DGKB: variants seen among roughly 807,000 people sequenced by gnomAD.
The protein encoded by DGKB is diacylglycerol kinase beta.
A neutral mutation model predicts 114.3 loss-of-function variants in DGKB; 67 were observed. The observed-to-expected ratio is 0.59, with a 90% CI of 0.48 to 0.72. DGKB has a LOEUF of 0.72. DGKB is among the 30% of genes least tolerant of loss of function. The pLI, the probability that DGKB is intolerant of heterozygous loss-of-function variation, is 0.00. For missense variants in DGKB, 907 were observed against 975.2 expected, an observed-to-expected ratio of 0.93 and a Z score of 0.93; for synonymous variants, 398 against 323.1, an observed-to-expected ratio of 1.23 and a Z score of -2.49.
At chr7:14,190,550 C>A (rs937136543) in intron 23 of DGKB, among the ~76,000 whole-genome samples, 1 of 147,028 alleles carries the variant, frequency 6.8e-6, no homozygotes. Context: ...AAACTCAGAG[C>A]AGAAATAAAC....
At chr7:14,257,622 G>A (rs1259621586) in intron 23 of DGKB, among the ~76,000 whole-genome samples, 1 of 152,016 alleles carries the variant, frequency 6.6e-6, no homozygotes, top group East Asian at 1.9e-4. Flanking sequence ...CCCTTTGCTT[G>A]GCAGTTCTCT....
chr7:14,633,512 A>G (rs887778905), intron 13 of DGKB, among the ~76,000 whole-genome samples: 1 of 151,936 alleles, frequency 6.6e-6, no homozygotes, highest in African/African-American at 2.4e-5. Context: ...TCCTGTTACA[A>G]TGAGCAAACC....
chr7:14,804,188 A>G (rs1842528212), intron 2 of DGKB, among the ~76,000 whole-genome samples: 1 of 151,490 alleles, frequency 6.6e-6, no homozygotes, highest in Non-Finnish European at 1.5e-5. Context: ...GTTATTATCA[A>G]TTTATAGAAT....
intron 20 of DGKB, among the ~76,000 whole-genome samples, chr7:14,503,647 G>T (rs1786560157): frequency 6.6e-6 from 1 of 152,112 alleles, no homozygotes; most frequent in African/African-American, 2.4e-5. Context: ...TATTCTATGG[G>T]TCTGAGATGA....
At chr7:14,165,729 G>A (rs1317056450) in intron 25 of DGKB, among the ~76,000 whole-genome samples, 1 of 152,098 alleles carries the variant, frequency 6.6e-6, no homozygotes, top group Non-Finnish European at 1.5e-5. Flanking sequence ...ATTCAACTTC[G>A]AATGGGCCTT....
At chr7:14,170,510 G>A (rs1780834605) in intron 25 of DGKB, among the ~76,000 whole-genome samples, 1 of 152,092 alleles carries the variant, frequency 6.6e-6, no homozygotes. Flanking sequence ...AATATCTCCA[G>A]GCTGTTCTTA....
intron 13 of DGKB, among the ~76,000 whole-genome samples, chr7:14,662,718 C>A (rs1429984655): frequency 2.0e-5 from 3 of 151,476 alleles, no homozygotes; most frequent in Non-Finnish European, 4.4e-5. Context: ...TATAATGCCA[C>A]ATGGTATATT....
At chr7:14,202,652 C>T (rs930632448) in intron 23 of DGKB, among the ~76,000 whole-genome samples, 2 of 151,756 alleles carry the variant, frequency 1.3e-5, no homozygotes, top group African/African-American at 4.8e-5. Context: ...ATAGAACTGC[C>T]TATTAAATGT....
intron 1 of DGKB, among the ~76,000 whole-genome samples, chr7:14,943,412 C>T (rs67378880): frequency 0.2 from 29,755 of 151,682 alleles, 3,470 homozygotes; most frequent in African/African-American, 0.33. Context: ...TGATTACTTC[C>T]AGACACTTAT....
chr7:14,258,644 C>T (rs1796289176), intron 23 of DGKB, among the ~76,000 whole-genome samples: 1 of 152,176 alleles, frequency 6.6e-6, no homozygotes, highest in Non-Finnish European at 1.5e-5. Flanking sequence ...AATGCAGCTG[C>T]AGCTCTCCAA....
chr7:14,482,987 A>G (rs745814781), intron 20 of DGKB, among the ~76,000 whole-genome samples: 13 of 151,332 alleles, frequency 8.6e-5, no homozygotes, highest in Non-Finnish European at 1.5e-4. Flanking sequence ...TTCTTTAATC[A>G]TCTGTGAAAT....
intron 4 of DGKB, among the ~76,000 whole-genome samples, chr7:14,744,697 A>G (rs1382940932): frequency 6.6e-6 from 1 of 152,218 alleles, no homozygotes; most frequent in Non-Finnish European, 1.5e-5. Context: ...GGCCAAGTAT[A>G]AGACTGAAGT....
intron 23 of DGKB, among the ~76,000 whole-genome samples, chr7:14,317,887 A>G (rs1585102021): frequency 2.7e-5 from 1 of 36,862 alleles, no homozygotes; most frequent in Non-Finnish European, 6.1e-5. Flanking sequence ...TTCAAACTAT[A>G]CTACAAGGCT....
Position 14,699,902 on chromosome 7 carries a change from CA to C in DGKB, c.517-1734del, listed in dbSNP as rs776720127. On this transcript the variant is annotated intron_variant, in intron 7 of 25. Transcript: ENST00000402815. Reference sequence around the variant, plus strand: ...TATGCTAACAAAAAATGGGCAGAGACAAAAAAAAAAAGGACTATTTGACTGA... The same window carrying C: ...TATGCTAACAAAAAATGGGCAGAGACAAAAAAAAAAGGACTATTTGACTGA... Among the ~76,000 whole-genome samples the C allele has an allele frequency of 2.1e-3, 275 of 130,258 alleles. 2 individuals carry two copies. The highest frequency in any genetic ancestry group is 7.8e-3 in the East Asian group (36 of 4,628). The allele number at this position is 130,258 out of a possible 152,430, so 85.5% of individuals were successfully genotyped here.
chr7:14,248,866 T>C (rs1445255597), intron 23 of DGKB, among the ~76,000 whole-genome samples: 1 of 152,136 alleles, frequency 6.6e-6, no homozygotes, highest in Non-Finnish European at 1.5e-5. Flanking sequence ...TAGGAGTTCC[T>C]ATATGTACCA....
rs187326100 is a variant in DGKB, at chr7:14,558,544, A to T, written c.1770+15668T>A. 7.1e-3 allele frequency among the ~76,000 whole-genome samples: 1,071 copies of T among 150,358 alleles called. 13 individuals carry two copies. The highest frequency in any genetic ancestry group is 0.022 in the African/African-American group (924 of 41,380). ...TTGCCTTTAAGATTTCTGCTTTTTTAAAAAAAACTGATTTTCCTTGTGGCC... is the reference window on the plus strand; with the variant it reads ...TTGCCTTTAAGATTTCTGCTTTTTTTAAAAAAACTGATTTTCCTTGTGGCC... On this transcript the variant is annotated intron_variant, in intron 20 of 25. Transcript: ENST00000402815.
chr7:14,398,864 C>G (rs940612331), intron 21 of DGKB, among the ~76,000 whole-genome samples: 1 of 151,604 alleles, frequency 6.6e-6, no homozygotes, highest in African/African-American at 2.4e-5. Flanking sequence ...TTTTGAAATT[C>G]ATTAAGGTTT....
At chr7:14,478,081 A>G in intron 21 of DGKB, 80 bp downstream of exon 21, 5 of 910,220 alleles carry the variant, frequency 5.5e-6, no homozygotes, top group Non-Finnish European at 8.5e-6. Context: ...AGATTATAAA[A>G]TATTCTGTAC....
chr7:14,871,809 G>A (rs1402840704), intron 1 of DGKB, among the ~76,000 whole-genome samples: 3 of 152,136 alleles, frequency 2.0e-5, no homozygotes, highest in Non-Finnish European at 2.9e-5. Flanking sequence ...ATGGGGAGGT[G>A]TGGTGATGGA....
Sources: gnomAD v4.1 joint callset for allele counts (sites outside exome capture counted in the v4.1 genomes callset) on GRCh38, gnomAD v4.1.1 for gene constraint, MANE v1.5 for transcripts, NCBI Gene and HGNC (gene_info 2026-07-23, HGNC 2026-07-21) for gene names.